SRRM1: variants seen among roughly 807,000 people sequenced by gnomAD.
SRRM1 encodes the protein serine and arginine repetitive matrix 1.
A neutral mutation model predicts 110.2 loss-of-function variants in SRRM1; 19 were observed. That is an observed-to-expected ratio of 0.17 (90% confidence interval 0.12 to 0.25). The LOEUF (loss-of-function observed/expected upper bound fraction) is 0.25. SRRM1 is among the 10% of genes least tolerant of loss of function. The pLI, the probability that SRRM1 is intolerant of heterozygous loss-of-function variation, is 1.00. For synonymous variants in SRRM1, 443 were observed against 414.9 expected, an observed-to-expected ratio of 1.07 and a Z score of -0.82; for missense variants, 918 against 1,145.8, an observed-to-expected ratio of 0.80 and a Z score of 2.87.
At chr1:24,656,950 G>T (rs1025454404) in intron 9 of SRRM1, among the ~76,000 whole-genome samples, 2 of 152,176 alleles carry the variant, frequency 1.3e-5, no homozygotes, top group Non-Finnish European at 2.9e-5. Flanking sequence ...AAGTATTTCT[G>T]TGGGTTTTGG....
intron 9 of SRRM1, among the ~76,000 whole-genome samples, chr1:24,659,581 A>G (rs1372905192): frequency 1.3e-5 from 2 of 152,224 alleles, no homozygotes; most frequent in East Asian, 3.8e-4. Context: ...TAGATACTAT[A>G]AGCAGAGTTA....
intron 12 of SRRM1, 94 bp downstream of exon 12, chr1:24,662,898 C>A: frequency 6.6e-7 from 1 of 1,511,714 alleles, no homozygotes; most frequent in Non-Finnish European, 9.0e-7. Flanking sequence ...TTAACTCCTT[C>A]AAGTATTTGG....
At chr1:24,666,772 CA>C (rs761064971) in intron 12 of SRRM1, 42 bp from the exon 13 acceptor site, 27 of 1,523,442 alleles carry the variant, frequency 1.8e-5, no homozygotes, top group South Asian at 8.0e-5. Flanking sequence ...CACACACACA[CA>C]AAAAAAAGAA....
Position 24,666,768 on chromosome 1 carries a change from C to T in SRRM1, c.1629-47C>T, listed in dbSNP as rs369028472. The T allele has an allele frequency of 2.1e-5, 31 of 1,504,824 alleles. No homozygotes were observed. The African/African-American group carries it at 3.1e-4, about 15-fold the overall frequency. 93.2% of individuals were successfully genotyped at this position (1,504,824 alleles called of 1,614,324 possible). On this transcript the variant is annotated intron_variant, in intron 12 of 16. Transcript: ENST00000323848. ...CGACAGAGTGAGACGCCATCACACA[C>T]ACACAAAAAAAAGAAAAAAAATTAA...
intron 1 of SRRM1, 70 bp from the exon 2 acceptor site, chr1:24,645,914 A>G: frequency 7.8e-7 from 1 of 1,274,266 alleles, no homozygotes; most frequent in Non-Finnish European, 1.1e-6. Flanking sequence ...TTGGCTATAA[A>G]GGTCGTAGGT....
chr1:24,669,133 C>G lies in SRRM1; in HGVS notation c.1750C>G (p.Pro584Ala), dbSNP rs771382342. ...TPPPRRRTPSPPPRRRSPSPR... is the reference protein window; with the variant it reads ...TPPPRRRTPSAPPRRRSPSPR... The stretch of plus-strand genomic sequence containing the variant: ...GTATCTTTTTCCTAGGACTCCTTCT[C>G]CTCCCCCACGTCGGCGCTCACCTTC... The change falls in exon 14 of 17, where the codon CCT becomes GCT. Residue 584 changes from proline (P) to alanine (A), a missense_variant. Physicochemically the swap from Pro to Ala is conservative, Grantham distance 27. This residue lies in a region of SRRM1 where 357 missense variants were observed against 402.9 expected (regional missense o/e 0.89). Coordinates refer to ENST00000323848, the MANE Select transcript of SRRM1 (RefSeq NM_005839.4). The G allele has an allele frequency of 1.2e-6, 2 of 1,606,888 alleles. No individual in the cohort carries two copies. Among genetic ancestry groups the G allele is most frequent in the Non-Finnish European group, 1.7e-6 (2 of 1,174,520 alleles).
At chr1:24,671,750 G>C (rs1196511472) in intron 16 of SRRM1, among the ~76,000 whole-genome samples, 155 bp downstream of exon 16, 1 of 151,760 alleles carries the variant, frequency 6.6e-6, no homozygotes, top group Non-Finnish European at 1.5e-5. Flanking sequence ...TTTAAAGTTT[G>C]TGGTTCCCTG....
intron 4 of SRRM1, 51 bp from the exon 5 acceptor site, chr1:24,649,920 T>C: frequency 1.4e-6 from 2 of 1,464,772 alleles, no homozygotes; most frequent in South Asian, 1.5e-5. Context: ...TAGTCTTCAG[T>C]TTGTTCTCAA....
chr1:24,672,370 G>C lies in SRRM1; in HGVS notation c.*84G>C. On this transcript the variant is annotated 3_prime_UTR_variant, in exon 17 of 17. Coordinates refer to ENST00000323848, the MANE Select transcript of SRRM1 (RefSeq NM_005839.4). The stretch of plus-strand genomic sequence containing the variant: ...ATTGCTAAAATGTGTTTGAGCTTTA[G>C]ACTATAACATTTGTTGTAATAATTG... The C allele has an allele frequency of 1.1e-6, 1 of 917,428 alleles. No homozygotes were observed. Among genetic ancestry groups the C allele is most frequent in the Non-Finnish European group, 1.7e-6 (1 of 602,546 alleles). 56.8% of individuals were successfully genotyped at this position (917,428 alleles called of 1,614,324 possible). A position where few individuals can be genotyped will look rare whatever the true frequency, so the allele number is the denominator to read the frequency against.
chr1:24,655,454 C>A (rs1663533808), intron 9 of SRRM1, among the ~76,000 whole-genome samples: 1 of 152,104 alleles, frequency 6.6e-6, no homozygotes, highest in Non-Finnish European at 1.5e-5. Context: ...TACTATGAGA[C>A]CAGTTAACTT....
chr1:24,661,513 G>A lies in SRRM1; in HGVS notation c.1483+117G>A, dbSNP rs1378475684. ...TACTTGCCTACATAGAAATCTGTCTGAGGAGGCAGGATTGTTTCTTTTTTT... is the reference window on the plus strand; with the variant it reads ...TACTTGCCTACATAGAAATCTGTCTAAGGAGGCAGGATTGTTTCTTTTTTT... On this transcript the variant is annotated intron_variant, in intron 11 of 16. Transcript: ENST00000323848. The A allele has an allele frequency of 6.6e-5, 43 of 648,814 alleles. No individual in the cohort carries two copies. The South Asian group carries it at 1.4e-3, about 22-fold the overall frequency. 40.2% of individuals were successfully genotyped at this position (648,814 alleles called of 1,614,324 possible).
rs1266486327 is a variant in SRRM1 at position 24,654,946 on chromosome 1, A to G, written c.1132A>G (p.Thr378Ala). The G allele has an allele frequency of 1.2e-6, 2 of 1,614,068 alleles. No individual in the cohort carries two copies. The highest frequency in any genetic ancestry group is 1.7e-5 in the Admixed American group (1 of 60,000). ...ACCACCAAAGAAGCCTCCCAAGAGG[A>G]CATCCAGCCCCCCTCGGAAAACTCG... ...RSPPKKPPKRTSSPPRKTRRL... is the reference protein window; with the variant it reads ...RSPPKKPPKRASSPPRKTRRL... The change falls in exon 9 of 17, where the codon ACA (threonine) becomes GCA (alanine). Residue 378 changes from threonine to alanine, a missense_variant. Thr to Ala is a moderately conservative substitution (Grantham distance 58). Around this residue, in one of 5 missense-constraint regions of SRRM1, gnomAD observed 456 missense variants for 453.5 expected, o/e 1.01. Coordinates refer to ENST00000323848, the MANE Select transcript of SRRM1 (RefSeq NM_005839.4).
intron 1 of SRRM1, among the ~76,000 whole-genome samples, chr1:24,645,550 C>CT (rs767325628): frequency 1.2e-4 from 19 of 152,194 alleles, no homozygotes; most frequent in Admixed American, 2.0e-4. Flanking sequence ...TTCTTTTTTC[C>CT]TTTCACCCTG....
chr1:24,654,188 A>C, intron 8 of SRRM1: 1 of 706,936 alleles, frequency 1.4e-6, no homozygotes, highest in Non-Finnish European at 2.1e-6. Flanking sequence ...AGTTTTGCAA[A>C]CAGCATGTTT....
chr1:24,658,688 A>C (rs561337370), intron 9 of SRRM1, among the ~76,000 whole-genome samples: 2 of 152,224 alleles, frequency 1.3e-5, no homozygotes, highest in African/African-American at 2.4e-5. Flanking sequence ...ATTGAGGATT[A>C]AGTAACACTT....
chr1:24,653,766 T>G (rs1164388043), intron 8 of SRRM1, among the ~76,000 whole-genome samples: 1 of 152,218 alleles, frequency 6.6e-6, no homozygotes, highest in African/African-American at 2.4e-5. Context: ...TTTTTGTGCC[T>G]TCTTGCAATA....
At position 24,672,564 on chromosome 1, in the gene SRRM1, TG is replaced by T. The variant is rs1200853523; in HGVS notation, c.*280del. On this transcript the variant is annotated 3_prime_UTR_variant, in exon 17 of 17. Coordinates refer to ENST00000323848, the MANE Select transcript of SRRM1 (RefSeq NM_005839.4). ...TTAAAAAAGGGGGTTTAAATACTGT[TG>T]GCATTTTTATGGTTCCTTTAAATGC... 1 of 188,708 alleles carries T rather than the reference TG, an allele frequency of 5.3e-6. No homozygotes were observed. Among genetic ancestry groups the T allele is most frequent in the Non-Finnish European group, 1.1e-5 (1 of 91,640 alleles). 11.7% of individuals were successfully genotyped at this position (188,708 alleles called of 1,614,324 possible).
rs1671439741 is a variant in SRRM1 at position 24,669,023 on chromosome 1, C to T, written c.1740-100C>T. 1.7e-5 allele frequency: 15 copies of T among 863,740 alleles called. No homozygotes were observed. In the South Asian group the frequency reaches 2.5e-4, roughly 14 times the overall value. The allele number at this position is 863,740 out of a possible 1,614,324, so 53.5% of individuals were successfully genotyped here. ...TTCACTTATAAATATATTCCCTTTG[C>T]CTAGTGCTAACTACAGTATAGCCAA... On this transcript the variant is annotated intron_variant, in intron 13 of 16. Coordinates refer to ENST00000323848, the MANE Select transcript of SRRM1 (RefSeq NM_005839.4).
chr1:24,666,401 C>CTTGGGGTTAATGA (rs1670002604), intron 12 of SRRM1, among the ~76,000 whole-genome samples: 1 of 152,074 alleles, frequency 6.6e-6, no homozygotes, highest in Non-Finnish European at 1.5e-5. Context: ...CATTGCTGCC[C>CTTGGGGTTAATGA]TTGGGGTTAA....
Sources: allele counts gnomAD v4.1 joint callset (sites outside exome capture counted in the v4.1 genomes callset), GRCh38; gene constraint gnomAD v4.1.1; regional missense constraint gnomAD v4.1.1; transcripts MANE v1.5; gene names NCBI Gene and HGNC (gene_info 2026-07-23, HGNC 2026-07-21).